ROBO1: variants seen among roughly 807,000 people sequenced by gnomAD.
The protein encoded by ROBO1 is roundabout guidance receptor 1.
Under a neutral mutation model 195.9 loss-of-function variants are expected in ROBO1, and 149 were observed. That is an observed-to-expected ratio of 0.76 (90% confidence interval 0.67 to 0.87). ROBO1 has a LOEUF of 0.87. Ranked by LOEUF, ROBO1 falls within the 40% of genes least tolerant of loss-of-function variation. ROBO1 has a pLI of 0.00. For missense variants in ROBO1, 1,933 were observed against 2,068.3 expected (o/e 0.93, Z 1.27); for synonymous variants, 816 against 733.2 (o/e 1.11, Z -1.82).
chr3:79,118,339 A>G (rs2080048265), intron 3 of ROBO1, among the ~76,000 whole-genome samples: 1 of 151,302 alleles, frequency 6.6e-6, no homozygotes, highest in Admixed American at 6.6e-5. Flanking sequence ...AAAGATTCTT[A>G]CTGAATTATC....
At chr3:78,780,437 G>A (rs2083641903) in intron 4 of ROBO1, among the ~76,000 whole-genome samples, 1 of 151,934 alleles carries the variant, frequency 6.6e-6, no homozygotes, top group African/African-American at 2.4e-5. Context: ...TTTGCATGGC[G>A]CCATTTTTGT....
intron 2 of ROBO1, among the ~76,000 whole-genome samples, chr3:79,535,492 C>T (rs146432387): frequency 6.6e-6 from 1 of 152,144 alleles, no homozygotes; most frequent in African/African-American, 2.4e-5. Flanking sequence ...TGCTAGTGCC[C>T]TATGTAAGAA....
At chr3:78,947,445 G>C (rs2040509598) in intron 3 of ROBO1, among the ~76,000 whole-genome samples, 1 of 152,072 alleles carries the variant, frequency 6.6e-6, no homozygotes, top group Non-Finnish European at 1.5e-5. Context: ...ATGAAACGAA[G>C]GCAGAAATAA....
chr3:79,042,869 A>C (rs1346244007), intron 3 of ROBO1, among the ~76,000 whole-genome samples: 1 of 152,158 alleles, frequency 6.6e-6, no homozygotes, highest in Non-Finnish European at 1.5e-5. Context: ...TTGCTTCTTA[A>C]AGCTCCATTT....
At chr3:79,393,180 G>A (rs566242506) in intron 2 of ROBO1, among the ~76,000 whole-genome samples, 1 of 152,160 alleles carries the variant, frequency 6.6e-6, no homozygotes, top group Non-Finnish European at 1.5e-5. Flanking sequence ...CAATGCCATT[G>A]AGCCTACTTG....
intron 2 of ROBO1, among the ~76,000 whole-genome samples, chr3:79,364,239 T>C (rs900864220): frequency 3.4e-5 from 5 of 145,944 alleles, no homozygotes; most frequent in Non-Finnish European, 7.5e-5. Context: ...TGTGTGTGTA[T>C]ATATATATAT....
chr3:79,244,621 G>A (rs1447064401), intron 2 of ROBO1, among the ~76,000 whole-genome samples: 3 of 151,952 alleles, frequency 2.0e-5, no homozygotes, highest in Admixed American at 6.6e-5. Flanking sequence ...ACCCACAGGC[G>A]GTACACCTGT....
intron 2 of ROBO1, among the ~76,000 whole-genome samples, chr3:79,182,568 T>TGTGTGC (rs1369326015): frequency 1.4e-4 from 21 of 151,726 alleles, no homozygotes; most frequent in Non-Finnish European, 2.4e-4. Flanking sequence ...TGTGTGTGTG[T>TGTGTGC]GTGCGTGCGT....
chr3:79,230,119 T>A (rs953777790), intron 2 of ROBO1, among the ~76,000 whole-genome samples: 1 of 152,048 alleles, frequency 6.6e-6, no homozygotes, highest in Admixed American at 6.6e-5. Flanking sequence ...TCCCCTCCAA[T>A]CCTCTGCACC....
At chr3:78,657,401 T>C in intron 17 of ROBO1, 132 bp from the exon 18 acceptor site, 1 of 856,930 alleles carries the variant, frequency 1.2e-6, no homozygotes, top group Non-Finnish European at 1.7e-6. Context: ...GTTTCCAAAG[T>C]CATTTTTTCC....
rs191313582 is a variant in ROBO1, at chr3:79,758,736, G to T, written c.-51+9016C>A. Among the ~76,000 whole-genome samples, 227 of 152,254 alleles carry T rather than the reference G, an allele frequency of 1.5e-3. 3 individuals carry two copies. Among genetic ancestry groups the T allele is most frequent in the Non-Finnish European group, 1.6e-3 (112 of 68,010 alleles). On this transcript the variant is annotated intron_variant, in intron 1 of 30. Transcript: ENST00000464233. ...GGTAAAGTGTACCTTGTATTGTAAG[G>T]CAGACTATACTTAGGAGACAGGTGG...
intron 3 of ROBO1, among the ~76,000 whole-genome samples, chr3:78,944,685 C>T (rs1038878501): frequency 1.3e-5 from 2 of 152,238 alleles, no homozygotes; most frequent in Admixed American, 6.5e-5. Context: ...GGGTGCAGCG[C>T]ACCGTGTGCG....
At chr3:79,620,074 C>T (rs1055072000) in intron 1 of ROBO1, among the ~76,000 whole-genome samples, 1 of 152,234 alleles carries the variant, frequency 6.6e-6, no homozygotes, top group Non-Finnish European at 1.5e-5. Flanking sequence ...GAACTCCTCC[C>T]TCAAGATCTT....
At chr3:79,450,264 T>C (rs1559908397) in intron 2 of ROBO1, among the ~76,000 whole-genome samples, 2 of 151,644 alleles carry the variant, frequency 1.3e-5, no homozygotes, top group Non-Finnish European at 2.9e-5. Flanking sequence ...TGAAGAGAAG[T>C]GACTGTAAAT....
chr3:78,728,539 T>A (rs550448745), intron 5 of ROBO1, among the ~76,000 whole-genome samples: 1 of 151,632 alleles, frequency 6.6e-6, no homozygotes, highest in Non-Finnish European at 1.5e-5. Flanking sequence ...ACTAGTCTAT[T>A]CTCAAGTGAA....
intron 1 of ROBO1, among the ~76,000 whole-genome samples, chr3:79,632,975 A>G (rs1274188272): frequency 6.6e-6 from 1 of 152,124 alleles, no homozygotes; most frequent in African/African-American, 2.4e-5. Flanking sequence ...CATTTTGAAC[A>G]CTTCATTGAC....
intron 8 of ROBO1, among the ~76,000 whole-genome samples, chr3:78,698,522 G>A (rs1275608005): frequency 1.3e-5 from 2 of 152,068 alleles, no homozygotes; most frequent in African/African-American, 4.8e-5. Context: ...ACATTATTCT[G>A]TAGAACAATG....
intron 1 of ROBO1, among the ~76,000 whole-genome samples, chr3:79,745,833 A>G (rs1020074135): frequency 2.6e-5 from 4 of 152,114 alleles, no homozygotes; most frequent in Non-Finnish European, 5.9e-5. Flanking sequence ...AGGTCAAGTT[A>G]GTTTATTCTT....
At chr3:79,498,096 G>C (rs946276261) in intron 2 of ROBO1, among the ~76,000 whole-genome samples, 10 of 152,068 alleles carry the variant, frequency 6.6e-5, no homozygotes, top group African/African-American at 2.4e-4. Flanking sequence ...TATGAAAAAC[G>C]ATAATTTGAA....
Sources: allele counts gnomAD v4.1 joint callset (sites outside exome capture counted in the v4.1 genomes callset), GRCh38; gene constraint gnomAD v4.1.1; transcripts MANE v1.5; gene names NCBI Gene and HGNC (gene_info 2026-07-23, HGNC 2026-07-21).